The following PLEKHB1 variants were observed in gnomAD, a reference collection of about 807,000 sequenced individuals.
PLEKHB1 encodes pleckstrin homology domain-containing family B member 1.
In PLEKHB1, 29 loss-of-function variants were observed where a neutral mutation model predicts 36.2. The observed-to-expected ratio is 0.80, with a 90% CI of 0.60 to 1.09. PLEKHB1 has a LOEUF of 1.09. Ranked by LOEUF, PLEKHB1 falls within the 50% of genes least tolerant of loss-of-function variation. The probability of loss-of-function intolerance (pLI) is 0.00; values close to 1 mark genes in which losing one functional copy is unlikely to be tolerated. For missense variants in PLEKHB1, 330 were observed against 348.2 expected (o/e 0.95, Z 0.42); for synonymous variants, 138 against 140.0 (o/e 0.99, Z 0.10).
rs201089565 is a variant in PLEKHB1, at chr11:73,661,487, T to G, written c.617T>G (p.Ile206Arg). Residue 206 changes from isoleucine to arginine, a missense_variant, in exon 8 of 8, where the codon ATA becomes AGA. Coordinates refer to ENST00000354190, the MANE Select transcript of PLEKHB1 (RefSeq NM_021200.3). This position sits in a 1 kb window ranked among gnomAD's most constrained non-coding sequence, Gnocchi z 4.6. Reference protein sequence around the residue: ...PYAGPGVTHVIVREDPCYSAG... With the variant: ...PYAGPGVTHVRVREDPCYSAG... ...GCAGGCCCTGGCGTGACGCACGTGA[T>G]AGTGCGGGAGGATCCCTGCTACAGC... 1.4e-4 allele frequency: 226 copies of G among 1,613,690 alleles called. No individual in the cohort carries two copies. Among genetic ancestry groups the G allele is most frequent in the Non-Finnish European group, 2.5e-5 (30 of 1,179,774 alleles).
rs111345344 is a variant in PLEKHB1 at position 73,661,482 on chromosome 11, C to T, written c.612C>T (p.His204=). Residue 204 remains histidine, a synonymous_variant, in exon 8 of 8, where the codon CAC becomes CAT. Coordinates refer to ENST00000354190, the MANE Select transcript of PLEKHB1 (RefSeq NM_021200.3). The surrounding 1 kb of genome is among the most constrained non-coding windows in gnomAD (Gnocchi z 4.6). ...CCTCTGCAGGCCCTGGCGTGACGCA[C>T]GTGATAGTGCGGGAGGATCCCTGCT... is the stretch of plus-strand genomic sequence containing the variant. The part of the protein sequence containing the change: ...GPPYAGPGVT[H]VIVREDPCYS... 1.7e-5 allele frequency: 27 copies of T among 1,613,800 alleles called. No individual in the cohort carries two copies. Among genetic ancestry groups the T allele is most frequent in the African/African-American group, 1.3e-4 (10 of 75,044 alleles).
At chr11:73,652,617 A>C in intron 4 of PLEKHB1, 2 of 204,898 alleles carry the variant, frequency 9.8e-6, no homozygotes, top group Non-Finnish European at 1.9e-5. Flanking sequence ...GCTTTGGGGA[A>C]GTGTTTTGTT....
chr11:73,649,956 CTT>C (rs906361327), intron 2 of PLEKHB1, among the ~76,000 whole-genome samples: 25 of 152,332 alleles, frequency 1.6e-4, no homozygotes, highest in Admixed American at 1.6e-3. Flanking sequence ...AATCCCAACA[CTT>C]TAGGAGGCTG....
chr11:73,651,422 G>A (rs1337684206), intron 3 of PLEKHB1: 1 of 495,676 alleles, frequency 2.0e-6, no homozygotes, highest in Non-Finnish European at 3.9e-6. Context: ...CTGTCTCAGA[G>A]GTGAGCCAGG....
intron 6 of PLEKHB1, 107 bp from the exon 7 acceptor site, chr11:73,660,646 G>A: frequency 9.5e-7 from 1 of 1,051,398 alleles, no homozygotes; most frequent in Non-Finnish European, 1.4e-6. Flanking sequence ...TCTAAACTTG[G>A]GGAGGTGGCT....
intron 4 of PLEKHB1, 58 bp downstream of exon 4, chr11:73,651,948 C>A: frequency 6.8e-7 from 1 of 1,467,188 alleles, no homozygotes; most frequent in Middle Eastern, 1.8e-4. Context: ...CCATGTGCCC[C>A]CTTCTCATTG....
rs1359657270 is a variant in PLEKHB1 at position 73,662,463 on chromosome 11, C to G, written c.*861C>G. The stretch of plus-strand genomic sequence containing the variant: ...GACTTCCAGCCCTAGAAAGCTGCCT[C>G]CGTCCAGAAATGCCTCTCACACCAG... On this transcript the variant is annotated 3_prime_UTR_variant, in exon 8 of 8. Transcript: ENST00000354190. 6.6e-6 allele frequency: 1 copy of G among 152,566 alleles called. No individual in the cohort carries two copies. Among genetic ancestry groups the G allele is most frequent in the Non-Finnish European group, 1.5e-5 (1 of 68,082 alleles). The allele number at this position is 152,566 out of a possible 1,614,324, so 9.5% of individuals were successfully genotyped here.
rs964433346 is a variant in PLEKHB1, at chr11:73,650,680, C to T, written c.222C>T (p.Asp74=). 7.5e-6 allele frequency: 12 copies of T among 1,608,742 alleles called. No homozygotes were observed. The highest frequency in any genetic ancestry group is 1.3e-5 in the African/African-American group (1 of 74,818). Residue 74 remains aspartate (D), a synonymous_variant, in exon 3 of 8, where the codon GAC becomes GAT. Transcript: ENST00000354190. ...DRVLIHFNVR[D]IKIGPECHDV... ...TGCTCATCCACTTCAATGTCCGTGA[C>T]ATAAAGATCGGCCCAGAGTGCCATG...
In PLEKHB1 at chr11:73,648,604, T is replaced by C. The variant is rs949597509; in HGVS notation, c.19-408T>C. 3.0e-6 allele frequency: 3 copies of C among 992,866 alleles called. No individual in the cohort carries two copies. In the African/African-American group the frequency reaches 5.2e-5, roughly 17 times the overall value. The allele number at this position is 992,866 out of a possible 1,614,324, so 61.5% of individuals were successfully genotyped here. A position where few individuals can be genotyped will look rare whatever the true frequency, so the allele number is the denominator to read the frequency against. On this transcript the variant is annotated intron_variant, in intron 1 of 7. Coordinates refer to ENST00000354190, the MANE Select transcript of PLEKHB1 (RefSeq NM_021200.3). ...CCCAAGGTTTCTAATACTTTAAGAG[T>C]CTCATGCTCCACCGACTGAGCTAGT... is the stretch of plus-strand genomic sequence containing the variant.
rs574801592 is a variant in PLEKHB1, at chr11:73,661,086, C to T, written c.595+234C>T. 1.2e-4 allele frequency among the ~76,000 whole-genome samples: 19 copies of T among 152,344 alleles called. No homozygotes were observed. Among genetic ancestry groups the T allele is most frequent in the South Asian group, 4.1e-4 (2 of 4,828 alleles). ...GATGGCTCCTCAGCCCTGCGGTCGG[C>T]AATACCCATTCCTGAGCCGGTAGCG... On this transcript the variant is annotated intron_variant, in intron 7 of 7. Coordinates refer to ENST00000354190, the MANE Select transcript of PLEKHB1 (RefSeq NM_021200.3). The surrounding 1 kb of genome is among the most constrained non-coding windows in gnomAD (Gnocchi z 4.6).
intron 6 of PLEKHB1, among the ~76,000 whole-genome samples, chr11:73,656,382 T>C (rs1469289089): frequency 6.6e-6 from 1 of 152,188 alleles, no homozygotes; most frequent in Non-Finnish European, 1.5e-5. Context: ...GCTGCCTCTA[T>C]GGAACTTGGC....
At position 73,658,478 on chromosome 11, in the gene PLEKHB1, T is replaced by C. The variant is rs574193157; in HGVS notation, c.496-2275T>C. ...CCAAGTTGCTAAAACCAGTGGCCTA[T>C]TATCTTGGAATTGGCCAAAAGAATG... On this transcript the variant is annotated intron_variant, in intron 6 of 7. Transcript: ENST00000354190. Among the ~76,000 whole-genome samples the C allele has an allele frequency of 2.0e-5, 3 of 152,348 alleles. No homozygotes were observed. In the South Asian group the frequency reaches 6.2e-4, roughly 32 times the overall value.
At chr11:73,653,484 C>T in intron 5 of PLEKHB1, 1 of 461,018 alleles carries the variant, frequency 2.2e-6, no homozygotes, top group Non-Finnish European at 4.3e-6. Flanking sequence ...GATATGGGCT[C>T]TGCCCACCTG....
At chr11:73,651,213 C>T (rs1349293842) in intron 3 of PLEKHB1, among the ~76,000 whole-genome samples, 1 of 151,632 alleles carries the variant, frequency 6.6e-6, no homozygotes, top group African/African-American at 2.4e-5. Flanking sequence ...AAAAATTAGC[C>T]GGGCATGGTA....
In PLEKHB1 at chr11:73,657,401, T is replaced by C. The variant is rs192577260; in HGVS notation, c.495+1494T>C. Among the ~76,000 whole-genome samples the C allele has an allele frequency of 2.8e-4, 43 of 152,352 alleles. 1 individual carries two copies. Among genetic ancestry groups the C allele is most frequent in the African/African-American group, 9.6e-4 (40 of 41,580 alleles). On this transcript the variant is annotated intron_variant, in intron 6 of 7. Coordinates refer to ENST00000354190, the MANE Select transcript of PLEKHB1 (RefSeq NM_021200.3). ...TGTCAAAAACTAGGATTTAACAGAC[T>C]GTAAACCTAATAACACAACAGCTCA...
At position 73,661,650 on chromosome 11, in the gene PLEKHB1, C is replaced by G. The variant is rs1387719825; in HGVS notation, c.*48C>G. 6.6e-7 allele frequency: 1 copy of G among 1,526,198 alleles called. No individual in the cohort carries two copies. The highest frequency in any genetic ancestry group is 2.0e-5 in the Admixed American group (1 of 49,676). The allele number at this position is 1,526,198 out of a possible 1,614,324, so 94.5% of individuals were successfully genotyped here. A position where few individuals can be genotyped will look rare whatever the true frequency, so the allele number is the denominator to read the frequency against. On this transcript the variant is annotated 3_prime_UTR_variant, in exon 8 of 8. Coordinates refer to ENST00000354190, the MANE Select transcript of PLEKHB1 (RefSeq NM_021200.3). The surrounding 1 kb of genome is among the most constrained non-coding windows in gnomAD (Gnocchi z 4.6). ...CCCCTGCGCTTGGATTGCTAGACTCCTCTTCCTCCTGGACCCCATCCTCTA... is the reference window on the plus strand; with the variant it reads ...CCCCTGCGCTTGGATTGCTAGACTCGTCTTCCTCCTGGACCCCATCCTCTA...
At chr11:73,657,733 C>T (rs921742324) in intron 6 of PLEKHB1, among the ~76,000 whole-genome samples, 2 of 152,202 alleles carry the variant, frequency 1.3e-5, no homozygotes, top group African/African-American at 2.4e-5. Flanking sequence ...TCAACTTCCC[C>T]ACCAATAAAA....
At chr11:73,648,743 A>C in intron 1 of PLEKHB1, 2 of 1,209,706 alleles carry the variant, frequency 1.7e-6, no homozygotes, top group Non-Finnish European at 1.0e-6. Flanking sequence ...GAGGAGGGAT[A>C]TGGCCAAAGT....
chr11:73,660,359 T>A lies in PLEKHB1; in HGVS notation c.496-394T>A, dbSNP rs1945080472. The A allele has an allele frequency of 2.1e-5, 4 of 189,812 alleles. No individual in the cohort carries two copies. In the South Asian group the frequency reaches 4.7e-4, roughly 22 times the overall value. The allele number at this position is 189,812 out of a possible 1,614,324, so 11.8% of individuals were successfully genotyped here. A position where few individuals can be genotyped will look rare whatever the true frequency, so the allele number is the denominator to read the frequency against. ...CCTTCCTTCCTCCCCAACCCCTGTT[T>A]ATTTCCTGGGCCTGGGGCTTGGCCA... On this transcript the variant is annotated intron_variant, in intron 6 of 7. Transcript: ENST00000354190.
Sources: allele counts gnomAD v4.1 joint callset (sites outside exome capture counted in the v4.1 genomes callset), GRCh38; gene constraint gnomAD v4.1.1; non-coding constraint Gnocchi (gnomAD v3.1); transcripts MANE v1.5; gene names NCBI Gene and HGNC (gene_info 2026-07-23, HGNC 2026-07-21).